RP1L1: variants seen among roughly 807,000 people sequenced by gnomAD.
The protein encoded by RP1L1 is retinitis pigmentosa 1-like 1 protein.
A neutral mutation model predicts 15.7 loss-of-function variants in RP1L1; 27 were observed. The ratio of observed to expected loss-of-function variants is 1.72; its 90% CI spans 1.27 to 2.38. RP1L1 has a LOEUF of 2.38. Among genes scored for constraint, RP1L1 ranks in the 30% most tolerant of loss-of-function variants. The pLI is 0.00. For synonymous variants in RP1L1, 1,813 were observed against 1,276.7 expected (o/e 1.42, Z -8.96); for missense variants, 4,798 against 3,075.9 (o/e 1.56, Z -13.24).
chr8:10,621,739 C>A, intron 2 of RP1L1: 1 of 508,436 alleles, frequency 2.0e-6, no homozygotes, highest in South Asian at 1.4e-5. Flanking sequence ...CTCCATTCTG[C>A]CGACCTTTGG....
rs773932368 is a variant in RP1L1 at position 10,623,127 on chromosome 8, G to A, written c.75C>T (p.Pro25=). ...ECFLPSVART[P]SVTKVTPAKK... ...TGGCTGGCGTGACCTTGGTGACCGA[G>A]GGGGTGCGAGCCACAGAGGGCAGGA... Residue 25 remains proline (P), a synonymous_variant, in exon 2 of 4, where the codon CCC becomes CCT. Transcript: ENST00000382483. 1.2e-6 allele frequency: 2 copies of A among 1,610,510 alleles called. No individual in the cohort carries two copies. Among genetic ancestry groups the A allele is most frequent in the African/African-American group, 1.3e-5 (1 of 75,018 alleles).
Position 10,623,113 on chromosome 8 carries a change from A to G in RP1L1, c.89T>C (p.Val30Ala). 1.2e-6 allele frequency: 2 copies of G among 1,612,798 alleles called. No individual in the cohort carries two copies. The highest frequency in any genetic ancestry group is 1.7e-6 in the Non-Finnish European group (2 of 1,179,436). Reference sequence around the variant, plus strand: ...GAAGGTGATCTTCTTGGCTGGCGTGACCTTGGTGACCGAGGGGGTGCGAGC... The same window carrying G: ...GAAGGTGATCTTCTTGGCTGGCGTGGCCTTGGTGACCGAGGGGGTGCGAGC... ...SVARTPSVTK[V>A]TPAKKITFLK... Residue 30 changes from valine to alanine, a missense_variant, in exon 2 of 4, where the codon GTC (valine) becomes GCC (alanine). Val to Ala is a moderately conservative substitution (Grantham distance 64, BLOSUM62 0). Transcript: ENST00000382483.
intron 3 of RP1L1, among the ~76,000 whole-genome samples, chr8:10,613,583 G>C (rs116071898): frequency 8.9e-6 from 1 of 112,798 alleles, no homozygotes; most frequent in South Asian, 3.2e-4. Flanking sequence ...GGACAACTTA[G>C]TGAGACACCA....
rs773814574 is a variant in RP1L1 at position 10,607,385 on chromosome 8, T to A, written c.6713A>T (p.Gln2238Leu). 6.2e-7 allele frequency: 1 copy of A among 1,605,274 alleles called. No individual in the cohort carries two copies. Among genetic ancestry groups the A allele is most frequent in the Non-Finnish European group, 8.5e-7 (1 of 1,174,912 alleles). The change falls in exon 4 of 4, where the codon CAG becomes CTG. Residue 2238 changes from glutamine (Q) to leucine (L), a missense_variant. Gln to Leu is a moderately radical substitution (Grantham distance 113). Transcript: ENST00000382483. ...TTGAGTTTCTCCTTCTGACTCTGGC[T>A]GGGCCTCCCCTTCAGCCTCCGGGGT... is the stretch of plus-strand genomic sequence containing the variant. ...VETPEAEGEA[Q>L]PESEGETQGE...
chr8:10,636,874 G>A (rs902932163), intron 1 of RP1L1, among the ~76,000 whole-genome samples: 3 of 152,208 alleles, frequency 2.0e-5, no homozygotes, highest in Non-Finnish European at 2.9e-5. Flanking sequence ...AGGTCACCTG[G>A]ATGGAACTGG....
intron 1 of RP1L1, among the ~76,000 whole-genome samples, chr8:10,639,233 C>T (rs1009380307): frequency 2.0e-5 from 3 of 152,072 alleles, no homozygotes; most frequent in Admixed American, 6.6e-5. Flanking sequence ...TTCAAAACCC[C>T]GTCAACAGTG....
chr8:10,637,223 C>T (rs1396951284), intron 1 of RP1L1, among the ~76,000 whole-genome samples: 1 of 152,186 alleles, frequency 6.6e-6, no homozygotes, highest in East Asian at 1.9e-4. Context: ...AGGGGCGTCC[C>T]CTTCACAGTC....
intron 1 of RP1L1, among the ~76,000 whole-genome samples, chr8:10,639,093 C>T (rs1322839201): frequency 6.6e-6 from 1 of 150,978 alleles, no homozygotes; most frequent in African/African-American, 2.4e-5. Context: ...TGCAGTGAGC[C>T]GAGATCGGAC....
chr8:10,637,498 C>T (rs1798346979), intron 1 of RP1L1, among the ~76,000 whole-genome samples: 1 of 152,158 alleles, frequency 6.6e-6, no homozygotes, highest in African/African-American at 2.4e-5. Flanking sequence ...AAAGTCCCAC[C>T]TACTCTGGAG....
chr8:10,611,419 G>C lies in RP1L1; in HGVS notation c.2679C>G (p.Arg893=). ...CTGGGGACGGCGTGGGGCCTGGCTG[G>C]CGTGTCCCCTCCTGCGGGCTCCCAC... The part of the protein sequence containing the change: ...GPGGSPQEGT[R]QPGPTPSPGP... Residue 893 remains arginine (R), a synonymous_variant, in exon 4 of 4, where the codon CGC becomes CGG. Coordinates refer to ENST00000382483, the MANE Select transcript of RP1L1 (RefSeq NM_178857.6). 1 of 1,588,724 alleles carries C rather than the reference G, an allele frequency of 6.3e-7. No individual in the cohort carries two copies. Among genetic ancestry groups the C allele is most frequent in the Non-Finnish European group, 8.6e-7 (1 of 1,169,570 alleles).
chr8:10,606,909 C>A lies in RP1L1; in HGVS notation c.7189G>T (p.Asp2397Tyr). The A allele has an allele frequency of 1.2e-6, 2 of 1,614,206 alleles. No individual in the cohort carries two copies. The highest frequency in any genetic ancestry group is 2.2e-5 in the South Asian group (2 of 91,064). Residue 2397 changes from aspartate to tyrosine, a missense_variant, in exon 4 of 4, where the codon GAC becomes TAC. Transcript: ENST00000382483. ...CTTGATCTTGTCTAGAAATCTAAGTCATCTTGGCCAAAGCCGTCTGCCCTG... is the reference window on the plus strand; with the variant it reads ...CTTGATCTTGTCTAGAAATCTAAGTAATCTTGGCCAAAGCCGTCTGCCCTG... The part of the protein sequence containing the change: ...VGRADGFGQD[D>Y]LDF
intron 1 of RP1L1, among the ~76,000 whole-genome samples, chr8:10,630,009 C>G (rs1203951540): frequency 6.6e-6 from 1 of 152,228 alleles, no homozygotes; most frequent in Non-Finnish European, 1.5e-5. Flanking sequence ...TTGCCTTTAA[C>G]ATGCCTTGCT....
chr8:10,647,485 C>T (rs1399332587), intron 1 of RP1L1, among the ~76,000 whole-genome samples: 1 of 152,158 alleles, frequency 6.6e-6, no homozygotes, highest in Admixed American at 6.5e-5. Flanking sequence ...TTTGCACACT[C>T]CATCCTCATT....
Position 10,623,085 on chromosome 8 carries a change from G to A in RP1L1, c.117C>T (p.Leu39=). ...KVTPAKKITF[L]KRGDPRFAGV... is the part of the protein sequence containing the mutation. ...CAGCAAACCGTGGATCCCCTCGCTT[G>A]AGGAAGGTGATCTTCTTGGCTGGCG... The change falls in exon 2 of 4, where the codon CTC becomes CTT. Residue 39 remains leucine, a synonymous_variant. Transcript: ENST00000382483. 1.2e-6 allele frequency: 2 copies of A among 1,614,026 alleles called. No homozygotes were observed. The highest frequency in any genetic ancestry group is 2.2e-5 in the South Asian group (2 of 91,076).
chr8:10,619,014 G>A (rs1798016965), intron 2 of RP1L1, among the ~76,000 whole-genome samples: 1 of 152,096 alleles, frequency 6.6e-6, no homozygotes, highest in Admixed American at 6.5e-5. Context: ...GGGACTACAG[G>A]CACGCACCAC....
Position 10,613,071 on chromosome 8 carries a change from T to C in RP1L1, c.1027A>G (p.Met343Val). ...GEDTLLWSRRMGRASALTAAS... is the reference protein window; with the variant it reads ...GEDTLLWSRRVGRASALTAAS... The stretch of plus-strand genomic sequence containing the variant: ...GCCGTGAGGGCGCTGGCCCTGCCCA[T>C]CCTCCGGGACCATAGGAGCGTGTCC... Residue 343 changes from methionine (M) to valine (V), a missense_variant, in exon 4 of 4, where the codon ATG becomes GTG. Transcript: ENST00000382483. 6.2e-7 allele frequency: 1 copy of C among 1,613,702 alleles called. No homozygotes were observed. The highest frequency in any genetic ancestry group is 8.5e-7 in the Non-Finnish European group (1 of 1,180,026).
intron 1 of RP1L1, among the ~76,000 whole-genome samples, chr8:10,643,784 C>T (rs1158497409): frequency 6.6e-6 from 1 of 152,150 alleles, no homozygotes; most frequent in African/African-American, 2.4e-5. Context: ...CGCTGGCTAC[C>T]TCTCACCTGG....
chr8:10,617,158 C>T (rs1377395599), intron 2 of RP1L1, among the ~76,000 whole-genome samples: 1 of 152,018 alleles, frequency 6.6e-6, no homozygotes, highest in East Asian at 1.9e-4. Context: ...CCTGACCCTC[C>T]CCAGACCCAT....
intron 1 of RP1L1, among the ~76,000 whole-genome samples, chr8:10,647,623 G>C (rs1798498736): frequency 6.6e-6 from 1 of 152,148 alleles, no homozygotes; most frequent in Non-Finnish European, 1.5e-5. Flanking sequence ...ATTTCACTTA[G>C]CATCATGTCT....
Sources: allele counts gnomAD v4.1 joint callset (sites outside exome capture counted in the v4.1 genomes callset), GRCh38; gene constraint gnomAD v4.1.1; transcripts MANE v1.5; gene names NCBI Gene and HGNC (gene_info 2026-07-23, HGNC 2026-07-21).